Variants in ZSCAN5A observed in about 807,000 individuals in gnomAD.
ZSCAN5A encodes the protein zinc finger and SCAN domain-containing protein 5A.
Under a neutral mutation model 23.7 loss-of-function variants are expected in ZSCAN5A, and 12 were observed. The ratio of observed to expected loss-of-function variants is 0.51; its 90% CI spans 0.32 to 0.82. The LOEUF (loss-of-function observed/expected upper bound fraction) is 0.82, where lower values mean the gene tolerates loss of function less well. ZSCAN5A is among the 40% of genes least tolerant of loss of function. The pLI, the probability that ZSCAN5A is intolerant of heterozygous loss-of-function variation, is 0.03. For synonymous variants in ZSCAN5A, 257 were observed against 239.9 expected, an observed-to-expected ratio of 1.07 and a Z score of -0.66; for missense variants, 597 against 617.9, an observed-to-expected ratio of 0.97 and a Z score of 0.36.
chr19:56,339,128 G>T (rs918035067), intron 2 of ZSCAN5A, among the ~76,000 whole-genome samples: 1 of 152,228 alleles, frequency 6.6e-6, no homozygotes, highest in African/African-American at 2.4e-5. Context: ...TTCTGTAAAG[G>T]GTAATAAATA....
upstream of ZSCAN5A, among the ~76,000 whole-genome samples, chr19:56,318,187 G>A (rs1300161410): frequency 6.6e-6 from 1 of 151,976 alleles, no homozygotes; most frequent in Non-Finnish European, 1.5e-5. Flanking sequence ...ATGCGTATAT[G>A]TGTTCTGCAT....
upstream of ZSCAN5A, chr19:56,317,377 C>T (rs560174098): frequency 1.3e-5 from 2 of 152,384 alleles, no homozygotes; most frequent in South Asian, 4.2e-4. Flanking sequence ...AGGCAGGTTC[C>T]TTGCCAGAAA....
intron 2 of ZSCAN5A, among the ~76,000 whole-genome samples, chr19:56,228,806 T>C (rs1381701811): frequency 6.6e-6 from 1 of 152,216 alleles, no homozygotes. Context: ...ATATTGGTGA[T>C]AATTTTTTAT....
chr19:56,312,815 G>C (rs1296755060), intron 2 of ZSCAN5A, among the ~76,000 whole-genome samples: 1 of 152,200 alleles, frequency 6.6e-6, no homozygotes, highest in Admixed American at 6.5e-5. Flanking sequence ...TTACGTGTTT[G>C]TGTCCCCATG....
intron 2 of ZSCAN5A, chr19:56,302,104 A>G (rs900618284): frequency 1.1e-5 from 14 of 1,231,592 alleles, no homozygotes; most frequent in Non-Finnish European, 1.4e-5. Context: ...GGGTAAGAAG[A>G]AGGCAGCACG....
chr19:56,320,919 C>A, intron 2 of ZSCAN5A: 1 of 757,812 alleles, frequency 1.3e-6, no homozygotes, highest in Non-Finnish European at 2.5e-6. Context: ...AGGAAAAGCC[C>A]AGCTGTTCTA....
At position 56,225,568 on chromosome 19, in the gene ZSCAN5A, A is replaced by G. The variant is rs117349046; in HGVS notation, c.-127-395T>C. ...CAAAAGGATAGAGAAAAAGAGTTAG[A>G]ATGTAATATTTTCCCCAACACATAT... On this transcript the variant is annotated intron_variant, in intron 2 of 5. Transcript: ENST00000683990. 4.0e-3 allele frequency: 617 copies of G among 152,862 alleles called. 7 individuals carry two copies. Among genetic ancestry groups the G allele is most frequent in the Admixed American group, 0.025 (383 of 15,336 alleles). 9.5% of individuals were successfully genotyped at this position (152,862 alleles called of 1,614,324 possible).
chr19:56,278,981 C>T (rs1218308712), intron 2 of ZSCAN5A, among the ~76,000 whole-genome samples: 1 of 152,210 alleles, frequency 6.6e-6, no homozygotes, highest in Non-Finnish European at 1.5e-5. Flanking sequence ...TTCCAACTCA[C>T]ACCCCAATAT....
intron 2 of ZSCAN5A, chr19:56,312,216 T>C (rs1306309328): frequency 6.6e-6 from 1 of 152,250 alleles, no homozygotes; most frequent in Non-Finnish European, 1.5e-5. Context: ...TCTGCAATTA[T>C]ATTTTCTAAC....
intron 2 of ZSCAN5A, among the ~76,000 whole-genome samples, chr19:56,230,063 G>C (rs1186741378): frequency 6.6e-6 from 1 of 152,026 alleles, no homozygotes; most frequent in Non-Finnish European, 1.5e-5. Flanking sequence ...GAATTTGGAT[G>C]CCCTTTATTC....
At chr19:56,256,471 T>G (rs1411087560) in intron 2 of ZSCAN5A, among the ~76,000 whole-genome samples, 2 of 152,190 alleles carry the variant, frequency 1.3e-5, no homozygotes, top group East Asian at 3.8e-4. Context: ...GTGCTGGGAT[T>G]ACAGAGTAAG....
chr19:56,284,080 A>C, intron 2 of ZSCAN5A: 1 of 689,906 alleles, frequency 1.4e-6, no homozygotes, highest in South Asian at 6.5e-5. Context: ...CCAGCATCTG[A>C]CCTCGTTTTT....
chr19:56,231,394 A>G (rs1264741040), intron 2 of ZSCAN5A, among the ~76,000 whole-genome samples: 1 of 152,218 alleles, frequency 6.6e-6, no homozygotes, highest in Non-Finnish European at 1.5e-5. Context: ...TAATAATAAT[A>G]ATGACAAAAA....
At chr19:56,301,870 T>G in intron 2 of ZSCAN5A, 7 of 1,221,630 alleles carry the variant, frequency 5.7e-6, no homozygotes, top group Non-Finnish European at 7.1e-6. Context: ...GGCAGAGATG[T>G]GAGTTTGGAG....
intron 2 of ZSCAN5A, among the ~76,000 whole-genome samples, chr19:56,270,701 A>G (rs1309844651): frequency 6.6e-6 from 1 of 152,072 alleles, no homozygotes; most frequent in Non-Finnish European, 1.5e-5. Flanking sequence ...AAATAGAGTA[A>G]TAAGCACTAA....
chr19:56,321,927 A>G (rs2041380204), intron 2 of ZSCAN5A: 2 of 781,422 alleles, frequency 2.6e-6, no homozygotes, highest in Non-Finnish European at 4.8e-6. Context: ...TCAATATCCA[A>G]CTTCATCATG....
At chr19:56,264,202 G>T (rs1277134820) in intron 2 of ZSCAN5A, among the ~76,000 whole-genome samples, 1 of 152,066 alleles carries the variant, frequency 6.6e-6, no homozygotes, top group Non-Finnish European at 1.5e-5. Flanking sequence ...CACCATGTTG[G>T]CCAGGCTGGT....
intron 2 of ZSCAN5A, among the ~76,000 whole-genome samples, chr19:56,290,045 C>T (rs896878652): frequency 6.6e-6 from 1 of 152,138 alleles, no homozygotes; most frequent in African/African-American, 2.4e-5. Flanking sequence ...CAAATGGAAC[C>T]CAAGTTATAA....
intron 2 of ZSCAN5A, among the ~76,000 whole-genome samples, chr19:56,259,247 G>A (rs2036949243): frequency 1.3e-5 from 2 of 151,952 alleles, no homozygotes; most frequent in African/African-American, 2.4e-5. Flanking sequence ...GTCTTACCAT[G>A]TTGCCCAGGC....
Sources: gnomAD v4.1 joint callset for allele counts (sites outside exome capture counted in the v4.1 genomes callset) on GRCh38, gnomAD v4.1.1 for gene constraint, MANE v1.5 for transcripts, NCBI Gene and HGNC (gene_info 2026-07-23, HGNC 2026-07-21) for gene names.